Variants in DTD1 observed in about 807,000 individuals in gnomAD.
DTD1 encodes the protein D-aminoacyl-tRNA deacylase 1, also known as D-tyrosyl-tRNA deacylase 1 homolog.
Under a neutral mutation model 25.6 loss-of-function variants are expected in DTD1, and 13 were observed. The ratio of observed to expected loss-of-function variants is 0.51; its 90% CI spans 0.33 to 0.81. DTD1 has a LOEUF of 0.81. Ranked by LOEUF, DTD1 falls within the 30% of genes least tolerant of loss-of-function variation. The pLI is 0.02. For missense variants in DTD1, 193 were observed against 266.4 expected, an observed-to-expected ratio of 0.72 and a Z score of 1.92; for synonymous variants, 110 against 103.6, an observed-to-expected ratio of 1.06 and a Z score of -0.37.
intron 4 of DTD1, among the ~76,000 whole-genome samples, chr20:18,702,163 G>C (rs977824540): frequency 3.2e-4 from 49 of 152,118 alleles, no homozygotes; most frequent in Admixed American, 2.0e-3. Flanking sequence ...TCCTTTTATT[G>C]GTCCCTCAGG....
At chr20:18,594,416 G>C (rs117556056) in intron 2 of DTD1, among the ~76,000 whole-genome samples, 2,560 of 152,220 alleles carry the variant, frequency 0.017, 38 homozygotes, top group Non-Finnish European at 0.019. Context: ...ACTATAGAAA[G>C]GTTTAGGTGT....
At chr20:18,719,970 G>A (rs898540389) in intron 4 of DTD1, among the ~76,000 whole-genome samples, 4 of 152,236 alleles carry the variant, frequency 2.6e-5, no homozygotes, top group Non-Finnish European at 5.9e-5. Context: ...AGTAAGGGGT[G>A]CAGTTTTTAA....
At chr20:18,620,129 C>G (rs913916595) in intron 3 of DTD1, 3 of 152,128 alleles carry the variant, frequency 2.0e-5, no homozygotes, top group Non-Finnish European at 2.9e-5. Flanking sequence ...GTGAATTTCT[C>G]CCACATTGTC....
intron 4 of DTD1, among the ~76,000 whole-genome samples, chr20:18,681,751 C>T (rs188003081): frequency 1.2e-4 from 18 of 152,202 alleles, no homozygotes; most frequent in South Asian, 4.2e-4. Context: ...GTAGACCTGT[C>T]CGGCAAGAAA....
chr20:18,759,437 A>C (rs1416254793), intron 5 of DTD1, among the ~76,000 whole-genome samples: 1 of 152,152 alleles, frequency 6.6e-6, no homozygotes, highest in Non-Finnish European at 1.5e-5. Context: ...CCTGGTGGTG[A>C]CCAATCTCTC....
At chr20:18,612,798 A>T (rs1248918240) in intron 3 of DTD1, among the ~76,000 whole-genome samples, 3 of 152,038 alleles carry the variant, frequency 2.0e-5, no homozygotes, top group Non-Finnish European at 4.4e-5. Context: ...AGCTGGAACT[A>T]TAGGCGCCTG....
chr20:18,639,778 C>G (rs568967299), intron 4 of DTD1, among the ~76,000 whole-genome samples: 1 of 152,216 alleles, frequency 6.6e-6, no homozygotes, highest in South Asian at 2.1e-4. Context: ...GCCCGGAAGC[C>G]TCAATTTCTT....
At chr20:18,634,261 C>G (rs6136447) in intron 4 of DTD1, among the ~76,000 whole-genome samples, 21,971 of 152,104 alleles carry the variant, frequency 0.14, 1,701 homozygotes, top group Admixed American at 0.2. Flanking sequence ...CTGCGTAGGG[C>G]TTGTTTTCCT....
At chr20:18,760,553 A>G (rs2061357387) in intron 5 of DTD1, among the ~76,000 whole-genome samples, 1 of 152,144 alleles carries the variant, frequency 6.6e-6, no homozygotes, top group South Asian at 2.1e-4. Flanking sequence ...AACAGTGGAT[A>G]TTGGTGAACA....
At chr20:18,669,997 G>T (rs1240164780) in intron 4 of DTD1, among the ~76,000 whole-genome samples, 1 of 152,172 alleles carries the variant, frequency 6.6e-6, no homozygotes, top group East Asian at 1.9e-4. Flanking sequence ...TTGTCCACAA[G>T]TCTATGCTCT....
Position 18,596,165 on chromosome 20 carries a change from C to T in DTD1, c.294C>T (p.Pro98=), listed in dbSNP as rs749127844. The T allele has an allele frequency of 6.2e-6, 10 of 1,614,128 alleles. No individual in the cohort carries two copies. The South Asian group carries it at 1.1e-4, about 18-fold the overall frequency. ...GNKPDFHLAM[P]TEQAEGFYNS... is the part of the protein sequence containing the mutation. The stretch of plus-strand genomic sequence containing the variant: ...AGCCTGATTTCCACCTAGCAATGCC[C>T]ACGGAGCAGGCAGAGGGCTTCTACA... Residue 98 remains proline, a synonymous_variant, in exon 3 of 6, where the codon CCC becomes CCT. Coordinates refer to ENST00000377452, the MANE Select transcript of DTD1 (RefSeq NM_080820.6).
At chr20:18,741,808 T>C (rs2061279045) in intron 4 of DTD1, among the ~76,000 whole-genome samples, 4 of 152,004 alleles carry the variant, frequency 2.6e-5, no homozygotes, top group Admixed American at 2.6e-4. Context: ...CTGTAACCTC[T>C]GCTTGCTGGG....
chr20:18,760,651 C>T (rs541454673), intron 5 of DTD1, among the ~76,000 whole-genome samples: 2 of 152,176 alleles, frequency 1.3e-5, no homozygotes, highest in Non-Finnish European at 2.9e-5. Context: ...CCCTACAGTG[C>T]GGTGCCTCCC....
chr20:18,667,023 C>T (rs1485158822), intron 4 of DTD1, among the ~76,000 whole-genome samples: 2 of 152,130 alleles, frequency 1.3e-5, no homozygotes, highest in Non-Finnish European at 2.9e-5. Flanking sequence ...TTCCATCCAG[C>T]CTGGCAGTAT....
chr20:18,741,897 ATTTTT>A (rs57912866), intron 4 of DTD1, among the ~76,000 whole-genome samples: 1 of 88,724 alleles, frequency 1.1e-5, no homozygotes, highest in Non-Finnish European at 2.3e-5. Flanking sequence ...TAACCTTTGT[ATTTTT>A]TTTTTTTTTT....
At chr20:18,703,776 GT>G (rs2061115180) in intron 4 of DTD1, among the ~76,000 whole-genome samples, 1 of 150,144 alleles carries the variant, frequency 6.7e-6, no homozygotes, top group African/African-American at 2.5e-5. Flanking sequence ...GGGGTATTAT[GT>G]TTTCTTGATG....
intron 3 of DTD1, among the ~76,000 whole-genome samples, chr20:18,620,370 A>G (rs532017978): frequency 6.6e-6 from 1 of 152,132 alleles, no homozygotes; most frequent in African/African-American, 2.4e-5. Context: ...TCTAACCCTG[A>G]TCTCTTAATT....
At chr20:18,720,603 C>T (rs959526322) in intron 4 of DTD1, among the ~76,000 whole-genome samples, 1 of 152,202 alleles carries the variant, frequency 6.6e-6, no homozygotes, top group South Asian at 2.1e-4. Flanking sequence ...ACCTGTAATA[C>T]TAGCACTTTG....
intron 4 of DTD1, among the ~76,000 whole-genome samples, chr20:18,661,277 A>T (rs2060908693): frequency 6.6e-6 from 1 of 152,182 alleles, no homozygotes; most frequent in Admixed American, 6.5e-5. Flanking sequence ...GTCTGTGACT[A>T]CAAAAAATGA....
Sources: allele counts gnomAD v4.1 joint callset (sites outside exome capture counted in the v4.1 genomes callset), GRCh38; gene constraint gnomAD v4.1.1; transcripts MANE v1.5; gene names NCBI Gene and HGNC (gene_info 2026-07-23, HGNC 2026-07-21).